CCDC7: variants seen among roughly 807,000 people sequenced by gnomAD.
CCDC7 encodes the protein coiled-coil domain-containing protein 7.
Under a neutral mutation model 196.9 loss-of-function variants are expected in CCDC7, and 183 were observed. That is an observed-to-expected ratio of 0.93 (90% CI 0.82 to 1.05). CCDC7 has a LOEUF of 1.05. CCDC7 is among the 50% of genes least tolerant of loss of function. The pLI, the probability that CCDC7 is intolerant of heterozygous loss-of-function variation, is 0.00. For synonymous variants in CCDC7, 525 were observed against 484.6 expected (o/e 1.08, Z -1.10); for missense variants, 1,540 against 1,482.2 (o/e 1.04, Z -0.64).
At chr10:32,780,308 A>T (rs1315173072) in intron 29 of CCDC7, among the ~76,000 whole-genome samples, 1 of 152,232 alleles carries the variant, frequency 6.6e-6, no homozygotes, top group Admixed American at 6.5e-5. Context: ...CCATATGAGG[A>T]AATAAAGATC....
intron 18 of CCDC7, among the ~76,000 whole-genome samples, chr10:32,614,934 G>A (rs76610897): frequency 0.083 from 12,622 of 152,110 alleles, 572 homozygotes; most frequent in East Asian, 0.16. Flanking sequence ...TAGTATAATG[G>A]CCTCCAGTAT....
At chr10:32,620,309 A>G (rs2063272599) in intron 18 of CCDC7, among the ~76,000 whole-genome samples, 1 of 152,092 alleles carries the variant, frequency 6.6e-6, no homozygotes, top group Non-Finnish European at 1.5e-5. Context: ...TTGTGATTTC[A>G]TCTCAAATTG....
intron 24 of CCDC7, among the ~76,000 whole-genome samples, chr10:32,704,181 G>T (rs918417010): frequency 1.3e-5 from 2 of 152,062 alleles, no homozygotes; most frequent in African/African-American, 4.8e-5. Context: ...CGTACAGATG[G>T]GGTTTTGGTG....
At chr10:32,595,129 A>G (rs2060188783) in intron 18 of CCDC7, among the ~76,000 whole-genome samples, 1 of 152,228 alleles carries the variant, frequency 6.6e-6, no homozygotes, top group South Asian at 2.1e-4. Context: ...GAATGGAACC[A>G]GCTCCTCTTT....
chr10:32,675,015 T>C lies in CCDC7; in HGVS notation c.2122+10854T>C, dbSNP rs551124799. Among the ~76,000 whole-genome samples the C allele has an allele frequency of 2.8e-4, 42 of 152,248 alleles. No individual in the cohort carries two copies. The East Asian group carries it at 8.1e-3, about 29-fold the overall frequency. Reference sequence around the variant, plus strand: ...AACTCTAAAGCAAGTCTCTTGCAAATAGCATATAGTGGATCTTGCTTTTCT... The same window carrying C: ...AACTCTAAAGCAAGTCTCTTGCAAACAGCATATAGTGGATCTTGCTTTTCT... On this transcript the variant is annotated intron_variant, in intron 21 of 41. Transcript: ENST00000639629.
chr10:32,558,723 G>A (rs2054787498), intron 13 of CCDC7, among the ~76,000 whole-genome samples: 1 of 152,248 alleles, frequency 6.6e-6, no homozygotes, highest in Admixed American at 6.5e-5. Context: ...CCGGTCTACA[G>A]CTCCCAGCGT....
At chr10:32,471,277 G>C (rs959263683) in intron 6 of CCDC7, 47 bp downstream of exon 7, 1 of 1,578,982 alleles carries the variant, frequency 6.3e-7, no homozygotes, top group Non-Finnish European at 8.6e-7. Context: ...GTAAGAAAGG[G>C]TATATAATTA....
At chr10:32,475,965 A>G (rs1380914024) in intron 8 of CCDC7, among the ~76,000 whole-genome samples, 1 of 152,202 alleles carries the variant, frequency 6.6e-6, no homozygotes, top group East Asian at 1.9e-4. Context: ...CCATTAGTGC[A>G]GTCCCCCCAT....
intron 18 of CCDC7, among the ~76,000 whole-genome samples, chr10:32,598,261 G>A (rs1385513045): frequency 6.6e-6 from 1 of 152,198 alleles, no homozygotes; most frequent in East Asian, 1.9e-4. Flanking sequence ...AGACTGCTGT[G>A]CTAGCAATGA....
chr10:32,499,383 T>C (rs2134825393), intron 9 of CCDC7: 1 of 151,972 alleles, frequency 6.6e-6, no homozygotes, highest in Non-Finnish European at 1.5e-5. Context: ...TCAGAAGGAG[T>C]TTTGTTTTCT....
chr10:32,856,095 T>C (rs965687074), intron 41 of CCDC7, among the ~76,000 whole-genome samples: 2 of 152,098 alleles, frequency 1.3e-5, no homozygotes, highest in Admixed American at 6.6e-5. Flanking sequence ...ACCGAAAACC[T>C]AAAACTAAGA....
intron 25 of CCDC7, among the ~76,000 whole-genome samples, chr10:32,715,588 A>G (rs1244598519): frequency 4.6e-5 from 7 of 152,222 alleles, no homozygotes; most frequent in Non-Finnish European, 8.8e-5. Context: ...GGAGGTGGGT[A>G]ATAACAAACT....
At chr10:32,559,558 A>G (rs186441632) in intron 13 of CCDC7, among the ~76,000 whole-genome samples, 140 of 152,372 alleles carry the variant, frequency 9.2e-4, no homozygotes, top group African/African-American at 3.1e-3. Flanking sequence ...TTATCCAGGT[A>G]GACGGTCTGG....
chr10:32,805,411 A>T (rs1014554034), intron 30 of CCDC7, among the ~76,000 whole-genome samples: 4 of 152,236 alleles, frequency 2.6e-5, no homozygotes, highest in African/African-American at 4.8e-5. Flanking sequence ...CAGTTTAGAT[A>T]GAAAGTTACT....
intron 16 of CCDC7, among the ~76,000 whole-genome samples, chr10:32,580,126 C>CT (rs946591479): frequency 3.3e-5 from 5 of 151,438 alleles, no homozygotes; most frequent in Admixed American, 6.6e-5. Flanking sequence ...TAACTGATGA[C>CT]TTTTTTTTTC....
intron 15 of CCDC7, among the ~76,000 whole-genome samples, chr10:32,571,514 C>T (rs1258136747): frequency 2.0e-5 from 3 of 151,986 alleles, no homozygotes; most frequent in African/African-American, 7.3e-5. Flanking sequence ...AGCTACTCTG[C>T]CTGTGGAGCA....
chr10:32,614,156 T>G lies in CCDC7; in HGVS notation c.1802-20098T>G, dbSNP rs149744943. 6.4e-4 allele frequency among the ~76,000 whole-genome samples: 98 copies of G among 152,332 alleles called. 3 individuals are homozygous for G. The East Asian group carries it at 0.019, about 29-fold the overall frequency. ...TGTTGCATTGATCCCTTTACCATTA[T>G]GTAATGCCCTTCTTTGTTTCTTTTG... On this transcript the variant is annotated intron_variant, in intron 18 of 41. Coordinates refer to ENST00000639629, the Ensembl canonical transcript of CCDC7.
intron 41 of CCDC7, among the ~76,000 whole-genome samples, chr10:32,862,958 T>C (rs965015257): frequency 5.3e-5 from 8 of 152,022 alleles, no homozygotes; most frequent in Non-Finnish European, 1.2e-4. Context: ...AGGTGAAAGA[T>C]TTGCACACTG....
At chr10:32,543,485 A>G in intron 12 of CCDC7, 100 bp downstream of exon 13, 1 of 1,078,398 alleles carries the variant, frequency 9.3e-7, no homozygotes, top group South Asian at 2.9e-5. Context: ...CTTATGAATA[A>G]TCTTTTAAAA....
Sources: allele counts gnomAD v4.1 joint callset (sites outside exome capture counted in the v4.1 genomes callset), GRCh38; gene constraint gnomAD v4.1.1; transcripts MANE v1.5; gene names NCBI Gene and HGNC (gene_info 2026-07-23, HGNC 2026-07-21).